The following EIF4G3 variants were observed in gnomAD, a reference collection of about 807,000 sequenced individuals.
The protein encoded by EIF4G3 is eukaryotic translation initiation factor 4 gamma 3.
EIF4G3 carries 34 observed loss-of-function variants against 186.4 expected under a neutral mutation model. That is an observed-to-expected ratio of 0.18 (90% CI 0.14 to 0.24). The LOEUF is 0.24. EIF4G3 is among the 10% of genes least tolerant of loss of function. EIF4G3 has a pLI of 1.00. For synonymous variants in EIF4G3, 673 were observed against 679.5 expected, an observed-to-expected ratio of 0.99 and a Z score of 0.15; for missense variants, 1,536 against 1,948.5, an observed-to-expected ratio of 0.79 and a Z score of 3.99.
At chr1:20,872,240 A>G (rs558304197) in intron 20 of EIF4G3, among the ~76,000 whole-genome samples, 1 of 151,776 alleles carries the variant, frequency 6.6e-6, no homozygotes, top group South Asian at 2.1e-4. Flanking sequence ...CTCTTGCCTC[A>G]GCCTTTGGAG....
intron 4 of EIF4G3, chr1:21,003,653 G>C (rs770271040): frequency 3.3e-4 from 121 of 361,372 alleles, no homozygotes; most frequent in Non-Finnish European, 5.5e-4. Flanking sequence ...GACAGGATGA[G>C]AGCAGATTAT....
intron 3 of EIF4G3, among the ~76,000 whole-genome samples, chr1:21,084,119 A>G (rs1183186300): frequency 6.6e-6 from 1 of 151,674 alleles, no homozygotes; most frequent in East Asian, 1.9e-4. Flanking sequence ...TTAATCCTCC[A>G]CTGGCTTTCT....
intron 29 of EIF4G3, among the ~76,000 whole-genome samples, chr1:20,844,659 C>T (rs1011039721): frequency 3.9e-5 from 6 of 151,968 alleles, no homozygotes; most frequent in African/African-American, 4.8e-5. Flanking sequence ...GGCGAAACCC[C>T]GTCTCTACTA....
chr1:21,161,697 C>G (rs1000740220), intron 2 of EIF4G3: 5 of 151,306 alleles, frequency 3.3e-5, no homozygotes, highest in African/African-American at 1.2e-4. Flanking sequence ...TGCGCCGTGG[C>G]TCATGCGCCA....
At chr1:21,168,854 A>G (rs2097906033) in intron 2 of EIF4G3, among the ~76,000 whole-genome samples, 1 of 152,186 alleles carries the variant, frequency 6.6e-6, no homozygotes, top group South Asian at 2.1e-4. Flanking sequence ...AAAAAAAAAA[A>G]TCAGGACAGA....
chr1:20,934,360 T>C (rs1259919399), intron 14 of EIF4G3, among the ~76,000 whole-genome samples: 4 of 152,280 alleles, frequency 2.6e-5, no homozygotes, highest in African/African-American at 9.6e-5. Flanking sequence ...TAAATGGTTA[T>C]ATGGGACTCA....
At chr1:20,918,701 C>CTT (rs35704755) in intron 14 of EIF4G3, among the ~76,000 whole-genome samples, 2,717 of 94,846 alleles carry the variant, frequency 0.029, 181 homozygotes, top group African/African-American at 0.1. Flanking sequence ...CTCCTAGTAT[C>CTT]TTTTTTTTTT....
At chr1:20,938,831 AG>A (rs1396817582) in intron 14 of EIF4G3, among the ~76,000 whole-genome samples, 2 of 152,186 alleles carry the variant, frequency 1.3e-5, no homozygotes, top group Non-Finnish European at 2.9e-5. Flanking sequence ...ACTGCTGGCC[AG>A]GTGTGGTGGC....
chr1:20,864,689 A>G lies in EIF4G3; in HGVS notation c.2793T>C (p.His931=). 6.2e-7 allele frequency: 1 copy of G among 1,614,150 alleles called. No individual in the cohort carries two copies. Among genetic ancestry groups the G allele is most frequent in the Non-Finnish European group, 8.5e-7 (1 of 1,180,010 alleles). Residue 931 remains histidine (H), a synonymous_variant, in exon 22 of 37, where the codon CAT becomes CAC. Transcript: ENST00000602326. ...TGTCCTTGGCTTCTTCCAGTTCATC[A>G]TGAAGCCTTGTCCTCTCCTCTGGCT... is the stretch of plus-strand genomic sequence containing the variant. ...ASAPEERTRL[H]DELEEAKDKA... is the part of the protein sequence containing the mutation.
rs148136929 is a variant in EIF4G3 at position 20,855,113 on chromosome 1, T to C, written c.3340-42A>G. 3.9e-4 allele frequency: 550 copies of C among 1,425,484 alleles called. 2 individuals carry two copies. In the African/African-American group the frequency reaches 7.4e-3, roughly 19 times the overall value. The allele number at this position is 1,425,484 out of a possible 1,614,324, so 88.3% of individuals were successfully genotyped here. ...CACAAGTCAATTATAGGAAATATTC[T>C]AGAAGAATAGTTTTTCTTTTATTTT... On this transcript the variant is annotated intron_variant, in intron 25 of 36. Coordinates refer to ENST00000602326, the MANE Select transcript of EIF4G3 (RefSeq NM_001391906.1).
chr1:21,055,151 TATA>T (rs1264721158), intron 3 of EIF4G3, among the ~76,000 whole-genome samples: 2 of 152,174 alleles, frequency 1.3e-5, no homozygotes, highest in African/African-American at 2.4e-5. Context: ...GAAGAGCTCT[TATA>T]AGAAAATTTC....
At chr1:21,166,770 T>G (rs1573683609) in intron 2 of EIF4G3, among the ~76,000 whole-genome samples, 1 of 151,132 alleles carries the variant, frequency 6.6e-6, no homozygotes, top group African/African-American at 2.4e-5. Context: ...GAATTAAGGG[T>G]TTTTTTTGTT....
intron 2 of EIF4G3, among the ~76,000 whole-genome samples, chr1:21,170,954 T>C (rs1037237165): frequency 1.8e-4 from 28 of 151,636 alleles, no homozygotes; most frequent in African/African-American, 6.1e-4. Context: ...CACTCCAGCC[T>C]GGGTGACAGA....
chr1:20,869,774 C>CA (rs35907806), intron 20 of EIF4G3, among the ~76,000 whole-genome samples: 1,084 of 47,566 alleles, frequency 0.023, 36 homozygotes, highest in Admixed American at 0.053. Context: ...GACTACGTCT[C>CA]AAAAAAAAAA....
intron 2 of EIF4G3, among the ~76,000 whole-genome samples, chr1:21,099,426 G>A (rs968850831): frequency 1.3e-5 from 2 of 152,150 alleles, no homozygotes; most frequent in Non-Finnish European, 2.9e-5. Flanking sequence ...AATACTAGTA[G>A]GCATTTAAAA....
At chr1:21,054,010 G>A (rs1424696388) in intron 3 of EIF4G3, among the ~76,000 whole-genome samples, 5 of 152,206 alleles carry the variant, frequency 3.3e-5, no homozygotes, top group Admixed American at 6.5e-5. Flanking sequence ...TGACAATGGC[G>A]GTTTTGTGGA....
intron 7 of EIF4G3, among the ~76,000 whole-genome samples, chr1:20,984,651 G>A (rs892326761): frequency 2.8e-5 from 4 of 143,324 alleles, no homozygotes; most frequent in East Asian, 4.3e-4. Flanking sequence ...GTGCAGTGGC[G>A]TGATCTTGGC....
intron 8 of EIF4G3, 138 bp downstream of exon 8, chr1:20,982,250 G>C: frequency 1.5e-6 from 1 of 652,564 alleles, no homozygotes. Flanking sequence ...AATTTTCACT[G>C]CAAGATTAAA....
At chr1:21,020,505 A>T (rs2090423778) in intron 4 of EIF4G3, among the ~76,000 whole-genome samples, 1 of 152,062 alleles carries the variant, frequency 6.6e-6, no homozygotes, top group East Asian at 1.9e-4. Flanking sequence ...TAAATAAATA[A>T]ATAAATGAAT....
Sources: gnomAD v4.1 joint callset for allele counts (sites outside exome capture counted in the v4.1 genomes callset) on GRCh38, gnomAD v4.1.1 for gene constraint, MANE v1.5 for transcripts, NCBI Gene and HGNC (gene_info 2026-07-23, HGNC 2026-07-21) for gene names.